The following EYS variants were observed in gnomAD, a reference collection of about 807,000 sequenced individuals.
EYS encodes the protein protein eyes shut homolog.
EYS carries 250 observed loss-of-function variants against 282.1 expected under a neutral mutation model. That is an observed-to-expected ratio of 0.89 (90% CI 0.80 to 0.98). The LOEUF (loss-of-function observed/expected upper bound fraction) is 0.98, where lower values mean the gene tolerates loss of function less well. Ranked by LOEUF, EYS falls within the 50% of genes least tolerant of loss-of-function variation. The probability of loss-of-function intolerance (pLI) is 0.00; values close to 1 mark genes in which losing one functional copy is unlikely to be tolerated. For synonymous variants in EYS, 1,355 were observed against 1,282.9 expected (o/e 1.06, Z -1.20); for missense variants, 4,016 against 3,709.0 (o/e 1.08, Z -2.15).
chr6:63,981,607 T>C (rs1767096365), intron 35 of EYS, among the ~76,000 whole-genome samples: 2 of 151,876 alleles, frequency 1.3e-5, no homozygotes, highest in South Asian at 4.1e-4. Context: ...TACATCTCCA[T>C]GTGGCTAGCA....
chr6:63,792,553 C>T (rs1445738488), intron 37 of EYS, among the ~76,000 whole-genome samples: 1 of 152,028 alleles, frequency 6.6e-6, no homozygotes, highest in Admixed American at 6.6e-5. Context: ...CAAACCTGCA[C>T]ATTGTGCACA....
rs185237134 is a variant in EYS, at chr6:65,393,643, T to C, written c.1184+8835A>G. On this transcript the variant is annotated intron_variant, in intron 7 of 42. Coordinates refer to ENST00000503581, the MANE Select transcript of EYS (RefSeq NM_001142800.2). ...AGTTAGTTATATTTGTGACATAAAC[T>C]GAAAACCTTAGTTATATTTGTGACA... is the stretch of plus-strand genomic sequence containing the variant. 9.8e-4 allele frequency among the ~76,000 whole-genome samples: 149 copies of C among 152,260 alleles called. 1 individual carries two copies. The highest frequency in any genetic ancestry group is 4.4e-5 in the Non-Finnish European group (3 of 68,020).
At chr6:64,705,415 C>T (rs548489523) in intron 22 of EYS, among the ~76,000 whole-genome samples, 2 of 151,970 alleles carry the variant, frequency 1.3e-5, no homozygotes, top group Admixed American at 6.6e-5. Flanking sequence ...AAGCAATCTA[C>T]AAAATCAATG....
intron 33 of EYS, among the ~76,000 whole-genome samples, chr6:64,046,532 G>A (rs1358007359): frequency 6.7e-6 from 1 of 148,666 alleles, no homozygotes; most frequent in African/African-American, 2.5e-5. Context: ...CTGAAAGGAG[G>A]CTCAAGCTTT....
chr6:64,452,885 A>G (rs1347326246), intron 26 of EYS, among the ~76,000 whole-genome samples: 4 of 152,262 alleles, frequency 2.6e-5, no homozygotes, highest in Admixed American at 6.5e-5. Context: ...CTTAAATGTT[A>G]GACCTGAAAC....
intron 14 of EYS, among the ~76,000 whole-genome samples, chr6:64,961,505 G>A (rs1472118151): frequency 6.6e-6 from 1 of 151,052 alleles, no homozygotes; most frequent in Non-Finnish European, 1.5e-5. Flanking sequence ...TTGTATATTT[G>A]TATATACATG....
intron 13 of EYS, among the ~76,000 whole-genome samples, chr6:65,056,083 C>A (rs969203487): frequency 6.6e-6 from 1 of 152,164 alleles, no homozygotes; most frequent in Middle Eastern, 3.4e-3. Flanking sequence ...TTCAACCATA[C>A]ATTTCCATTA....
At chr6:65,686,308 T>C (rs781045465) in intron 1 of EYS, among the ~76,000 whole-genome samples, 7 of 152,054 alleles carry the variant, frequency 4.6e-5, no homozygotes, top group Non-Finnish European at 1.0e-4. Flanking sequence ...TACCTCTGCA[T>C]CTTGAAAAAT....
intron 28 of EYS, among the ~76,000 whole-genome samples, chr6:64,407,277 A>G (rs1773747943): frequency 6.6e-6 from 1 of 151,814 alleles, no homozygotes; most frequent in African/African-American, 2.4e-5. Flanking sequence ...GGAGGGGATC[A>G]TCACACACTG....
rs76454254 is a variant in EYS, at chr6:64,671,394, G to A, written c.3444-45149C>T. Among the ~76,000 whole-genome samples the A allele has an allele frequency of 6.4e-3, 973 of 152,202 alleles. 7 individuals are homozygous for A. The highest frequency in any genetic ancestry group is 0.022 in the African/African-American group (920 of 41,510). ...CAAGGAGCCATTTAAGAACCAGAGA[G>A]AGAGCCCTCACCAGACCCTGAGTCT... On this transcript the variant is annotated intron_variant, in intron 22 of 42. Transcript: ENST00000503581.
chr6:63,801,532 G>A (rs150073838), intron 37 of EYS, among the ~76,000 whole-genome samples: 1 of 152,268 alleles, frequency 6.6e-6, no homozygotes, highest in Non-Finnish European at 1.5e-5. Flanking sequence ...ATACAGGAGG[G>A]GAAGTCATGT....
Position 65,156,778 on chromosome 6 carries a change from A to G in EYS, c.2024-99051T>C, listed in dbSNP as rs184534852. 9.9e-5 allele frequency among the ~76,000 whole-genome samples: 15 copies of G among 151,038 alleles called. No individual in the cohort carries two copies. The East Asian group carries it at 2.9e-3, about 30-fold the overall frequency. On this transcript the variant is annotated intron_variant, in intron 12 of 42. Coordinates refer to ENST00000503581, the MANE Select transcript of EYS (RefSeq NM_001142800.2). The stretch of plus-strand genomic sequence containing the variant: ...CACACACACCTTTTTATTCCTTTCT[A>G]CATCATCTACCAACATCTTCATCAG...
At chr6:65,458,797 C>T (rs951460638) in intron 5 of EYS, among the ~76,000 whole-genome samples, 1 of 152,040 alleles carries the variant, frequency 6.6e-6, no homozygotes, top group Non-Finnish European at 1.5e-5. Flanking sequence ...TAGACAAAGA[C>T]ATTTTTTGTT....
At chr6:64,945,359 T>C (rs1192174959) in intron 15 of EYS, among the ~76,000 whole-genome samples, 1 of 152,026 alleles carries the variant, frequency 6.6e-6, no homozygotes, top group Non-Finnish European at 1.5e-5. Flanking sequence ...AAATTTATAC[T>C]ATAAAATATA....
rs542891861 is a variant in EYS at position 64,635,324 on chromosome 6, C to T, written c.3444-9079G>A. Among the ~76,000 whole-genome samples, 16 of 152,144 alleles carry T rather than the reference C, an allele frequency of 1.1e-4. No individual in the cohort carries two copies. The East Asian group carries it at 1.2e-3, about 11-fold the overall frequency. On this transcript the variant is annotated intron_variant, in intron 22 of 42. Coordinates refer to ENST00000503581, the MANE Select transcript of EYS (RefSeq NM_001142800.2). ...TTGAATACCCTTTATTTCCTTCTCCCGCCTGATTGCCCTGGCCAGAACTTC... is the reference window on the plus strand; with the variant it reads ...TTGAATACCCTTTATTTCCTTCTCCTGCCTGATTGCCCTGGCCAGAACTTC...
At chr6:64,162,515 A>G (rs1373508085) in intron 31 of EYS, among the ~76,000 whole-genome samples, 1 of 152,084 alleles carries the variant, frequency 6.6e-6, no homozygotes, top group Non-Finnish European at 1.5e-5. Context: ...ATCTGGGATA[A>G]TATCTGGCAT....
At chr6:63,783,450 A>C (rs1252772225) in intron 39 of EYS, among the ~76,000 whole-genome samples, 2 of 152,234 alleles carry the variant, frequency 1.3e-5, no homozygotes, top group African/African-American at 4.8e-5. Context: ...GGTGGTAACA[A>C]CATGTCACAA....
At chr6:65,338,564 A>G (rs1174627845) in intron 10 of EYS, among the ~76,000 whole-genome samples, 1 of 151,082 alleles carries the variant, frequency 6.6e-6, no homozygotes, top group Non-Finnish European at 1.5e-5. Flanking sequence ...CTGTATATAT[A>G]TTATGTACAT....
chr6:65,074,624 G>A lies in EYS; in HGVS notation c.2024-16897C>T, dbSNP rs57050283. Reference sequence around the variant, plus strand: ...TCCCTCTATAGCAGTGAGAAAGTGAGTGCGAAATAGCAGCAAAGCAGTAAT... The same window carrying A: ...TCCCTCTATAGCAGTGAGAAAGTGAATGCGAAATAGCAGCAAAGCAGTAAT... On this transcript the variant is annotated intron_variant, in intron 12 of 42. Coordinates refer to ENST00000503581, the MANE Select transcript of EYS (RefSeq NM_001142800.2). Among the ~76,000 whole-genome samples the A allele has an allele frequency of 5.1e-3, 783 of 152,166 alleles. 6 individuals carry two copies. The highest frequency in any genetic ancestry group is 0.018 in the African/African-American group (746 of 41,538).
Sources: allele counts gnomAD v4.1 joint callset (sites outside exome capture counted in the v4.1 genomes callset), GRCh38; gene constraint gnomAD v4.1.1; transcripts MANE v1.5; gene names NCBI Gene and HGNC (gene_info 2026-07-23, HGNC 2026-07-21).